SPAG16: variants seen among roughly 807,000 people sequenced by gnomAD.
SPAG16 encodes the protein sperm associated antigen 16.
In SPAG16, 86 loss-of-function variants were observed where a neutral mutation model predicts 80.4. The observed-to-expected ratio is 1.07, with a 90% CI of 0.90 to 1.28. The LOEUF is 1.28. SPAG16 is among the 50% of genes most tolerant of loss of function. The pLI is 0.00. For synonymous variants in SPAG16, 294 were observed against 265.9 expected, an observed-to-expected ratio of 1.11 and a Z score of -1.03; for missense variants, 870 against 765.3, an observed-to-expected ratio of 1.14 and a Z score of -1.61.
chr2:213,324,624 A>G (rs1243557347), intron 5 of SPAG16, among the ~76,000 whole-genome samples: 1 of 152,146 alleles, frequency 6.6e-6, no homozygotes, highest in African/African-American at 2.4e-5. Context: ...CTGTTGTATA[A>G]TGTATACTAC....
At chr2:214,225,554 A>G (rs1485786989) in intron 15 of SPAG16, among the ~76,000 whole-genome samples, 1 of 152,172 alleles carries the variant, frequency 6.6e-6, no homozygotes, top group Non-Finnish European at 1.5e-5. Context: ...AATTATCTCC[A>G]TATATGTGAC....
At chr2:214,214,223 T>C (rs574260806) in intron 15 of SPAG16, among the ~76,000 whole-genome samples, 1 of 146,300 alleles carries the variant, frequency 6.8e-6, no homozygotes, top group Admixed American at 7.0e-5. Flanking sequence ...CACGCTGGAA[T>C]GCAGTGGCAC....
intron 9 of SPAG16, among the ~76,000 whole-genome samples, chr2:213,461,450 G>T (rs2072356452): frequency 6.6e-6 from 1 of 152,198 alleles, no homozygotes; most frequent in African/African-American, 2.4e-5. Context: ...TGATGTGCAA[G>T]TATGTATGTC....
intron 12 of SPAG16, among the ~76,000 whole-genome samples, chr2:213,973,200 TC>T (rs1169582424): frequency 1.3e-5 from 2 of 152,124 alleles, no homozygotes; most frequent in Admixed American, 1.3e-4. Context: ...GTTTCCAAAT[TC>T]CCCAGTATAT....
At chr2:213,494,649 A>T (rs2074403069) in intron 10 of SPAG16, among the ~76,000 whole-genome samples, 1 of 152,234 alleles carries the variant, frequency 6.6e-6, no homozygotes, top group Non-Finnish European at 1.5e-5. Flanking sequence ...CACAATAGCC[A>T]AACATATTTT....
chr2:213,712,157 G>A (rs1350176954), intron 10 of SPAG16, among the ~76,000 whole-genome samples: 1 of 151,988 alleles, frequency 6.6e-6, no homozygotes, highest in African/African-American at 2.4e-5. Flanking sequence ...ACATGTATAT[G>A]TATATACATA....
At chr2:213,786,799 G>A (rs1171678977) in intron 10 of SPAG16, among the ~76,000 whole-genome samples, 3 of 152,054 alleles carry the variant, frequency 2.0e-5, no homozygotes, top group African/African-American at 7.2e-5. Context: ...GATTTGAGCT[G>A]TGTTCTAATT....
chr2:213,646,953 G>A (rs1229459053), intron 10 of SPAG16, among the ~76,000 whole-genome samples: 1 of 151,850 alleles, frequency 6.6e-6, no homozygotes, highest in Non-Finnish European at 1.5e-5. Flanking sequence ...ATGAATCTTA[G>A]CAATATAAAC....
intron 10 of SPAG16, among the ~76,000 whole-genome samples, chr2:213,560,495 G>T (rs2059567294): frequency 6.6e-6 from 1 of 151,918 alleles, no homozygotes; most frequent in African/African-American, 2.4e-5. Context: ...TTTTAATATA[G>T]GGACATGGAA....
intron 10 of SPAG16, among the ~76,000 whole-genome samples, chr2:213,587,735 C>A (rs1013535813): frequency 2.0e-5 from 3 of 151,404 alleles, no homozygotes; most frequent in African/African-American, 7.4e-5. Flanking sequence ...TAAATTCTCT[C>A]TTTTTACTGT....
chr2:214,014,636 G>A (rs957870022), intron 13 of SPAG16, among the ~76,000 whole-genome samples: 3 of 152,170 alleles, frequency 2.0e-5, no homozygotes, highest in African/African-American at 7.2e-5. Context: ...CCATAGAGAT[G>A]TGAGGCTGCA....
intron 10 of SPAG16, among the ~76,000 whole-genome samples, chr2:213,613,898 G>T (rs1257213523): frequency 6.6e-6 from 1 of 152,178 alleles, no homozygotes; most frequent in Non-Finnish European, 1.5e-5. Context: ...AACTAAGAAT[G>T]GAAGTACTTA....
intron 11 of SPAG16, among the ~76,000 whole-genome samples, chr2:213,898,782 T>A (rs575941021): frequency 6.6e-6 from 1 of 152,238 alleles, no homozygotes; most frequent in East Asian, 1.9e-4. Flanking sequence ...GATTCTTGAG[T>A]AGGAATACAG....
rs1401640232 is a variant in SPAG16 at position 214,187,659 on chromosome 2, G to A, written c.1720+38393G>A. Among the ~76,000 whole-genome samples, 4 of 150,562 alleles carry A rather than the reference G, an allele frequency of 2.7e-5. No individual in the cohort carries two copies. The Admixed American group carries it at 2.7e-4, about 10-fold the overall frequency. On this transcript the variant is annotated intron_variant, in intron 15 of 15. Transcript: ENST00000331683. Reference sequence around the variant, plus strand: ...CAAGGAAGAAAAAGTCTGGGAATTAGTCATGTAAACAATAATGTCTGCCAT... The same window carrying A: ...CAAGGAAGAAAAAGTCTGGGAATTAATCATGTAAACAATAATGTCTGCCAT...
At chr2:213,442,109 C>T (rs1410115784) in intron 9 of SPAG16, among the ~76,000 whole-genome samples, 1 of 152,200 alleles carries the variant, frequency 6.6e-6, no homozygotes, top group Non-Finnish European at 1.5e-5. Flanking sequence ...GATCGCCCCA[C>T]TGCACTCCAG....
chr2:213,432,402 G>A (rs767441964), intron 9 of SPAG16, among the ~76,000 whole-genome samples: 18 of 151,930 alleles, frequency 1.2e-4, no homozygotes, highest in Admixed American at 4.6e-4. Context: ...AAATGAAAAC[G>A]AAGACATTAC....
chr2:214,218,395 G>A (rs2058485948), intron 15 of SPAG16, among the ~76,000 whole-genome samples: 2 of 152,188 alleles, frequency 1.3e-5, no homozygotes, highest in Admixed American at 1.3e-4. Flanking sequence ...ACTGGTTTGT[G>A]CCAAATCTGG....
chr2:214,318,466 C>G (rs1695851000), intron 15 of SPAG16, among the ~76,000 whole-genome samples: 1 of 147,908 alleles, frequency 6.8e-6, no homozygotes, highest in Non-Finnish European at 1.5e-5. Context: ...GCTGCAACCT[C>G]CGCCTCCTGG....
intron 12 of SPAG16, among the ~76,000 whole-genome samples, chr2:213,976,412 C>A (rs149720816): frequency 6.6e-6 from 1 of 151,808 alleles, no homozygotes; most frequent in African/African-American, 2.4e-5. Context: ...CAGTCCTTAA[C>A]TAACAGGTCT....
Sources: gnomAD v4.1 joint callset for allele counts (sites outside exome capture counted in the v4.1 genomes callset) on GRCh38, gnomAD v4.1.1 for gene constraint, MANE v1.5 for transcripts, NCBI Gene and HGNC (gene_info 2026-07-23, HGNC 2026-07-21) for gene names.